The following SAFB variants were observed in gnomAD, a reference collection of about 807,000 sequenced individuals.
SAFB encodes the protein scaffold attachment factor B.
Under a neutral mutation model 101.6 loss-of-function variants are expected in SAFB, and 15 were observed. That is an observed-to-expected ratio of 0.15 (90% CI 0.10 to 0.23). The LOEUF is 0.23. Ranked by LOEUF, SAFB falls within the 10% of genes least tolerant of loss-of-function variation. The pLI is 1.00. For synonymous variants in SAFB, 449 were observed against 407.5 expected (o/e 1.10, Z -1.23); for missense variants, 930 against 1,104.1 (o/e 0.84, Z 2.23).
In SAFB at chr19:5,667,487, G is replaced by A. The variant is rs1471955861; in HGVS notation, c.2557+37G>A. 5 of 1,396,200 alleles carry A rather than the reference G, an allele frequency of 3.6e-6. No homozygotes were observed. Among genetic ancestry groups the A allele is most frequent in the Non-Finnish European group, 3.9e-6 (4 of 1,028,996 alleles). 86.5% of individuals were successfully genotyped at this position (1,396,200 alleles called of 1,614,324 possible). ...CTCTGGGCTGGGACCAGGATGTGCT[G>A]GGGAGTGATGGAAAGATGGAGGCCG... On this transcript the variant is annotated intron_variant, in intron 19 of 20. Transcript: ENST00000588852. This position sits in a 1 kb window ranked among gnomAD's most constrained non-coding sequence, Gnocchi z 4.0.
intron 2 of SAFB, among the ~76,000 whole-genome samples, chr19:5,640,408 C>T (rs1435382054): frequency 1.5e-5 from 2 of 136,672 alleles, no homozygotes; most frequent in African/African-American, 5.7e-5. Context: ...GCTCTGTTGC[C>T]AGACTGGAGT....
rs1488172861 is a variant in SAFB, at chr19:5,645,866, G to GT, written c.609+475dup. ...GGGGTTCTGGTCTTGTCTTTGGGAA[G>GT]TTTTTTTTGTTTTGTTTTGTTTTGT... On this transcript the variant is annotated intron_variant, in intron 5 of 20. Coordinates refer to ENST00000588852, the MANE Select transcript of SAFB (RefSeq NM_001201338.2). Among the ~76,000 whole-genome samples, 51 of 151,868 alleles carry GT rather than the reference G, an allele frequency of 3.4e-4. 1 individual carries two copies. The highest frequency in any genetic ancestry group is 1.1e-3 in the African/African-American group (44 of 41,480).
chr19:5,655,524 T>C (rs1389651030), intron 13 of SAFB, among the ~76,000 whole-genome samples: 1 of 150,548 alleles, frequency 6.6e-6, no homozygotes, highest in Non-Finnish European at 1.5e-5. Flanking sequence ...CGAGCCACCC[T>C]TACTGGTTAA....
intron 4 of SAFB, among the ~76,000 whole-genome samples, chr19:5,643,261 C>A (rs919358619): frequency 1.3e-5 from 2 of 151,722 alleles, no homozygotes; most frequent in Admixed American, 6.6e-5. Flanking sequence ...TCGTGGGGGG[C>A]CCTGTTCTTG....
intron 2 of SAFB, among the ~76,000 whole-genome samples, chr19:5,629,483 AAAAC>A (rs1018262699): frequency 1.4e-4 from 21 of 152,304 alleles, no homozygotes; most frequent in African/African-American, 5.1e-4. Context: ...TTTCATTAAA[AAAAC>A]CCGTGATCTT....
chr19:5,640,158 C>G (rs954428895), intron 2 of SAFB, among the ~76,000 whole-genome samples: 2 of 151,946 alleles, frequency 1.3e-5, no homozygotes, highest in Non-Finnish European at 2.9e-5. Flanking sequence ...TGGCTGGAGC[C>G]GAAGTTTTTA....
chr19:5,661,668 C>T lies in SAFB; in HGVS notation c.2013C>T (p.Arg671=), dbSNP rs2054207284. Reference sequence around the variant, plus strand: ...GCATGGAGCGGGAACGGCTGGAGCGCGAACGCATGCACGTGGAGCACGAGC... The same window carrying T: ...GCATGGAGCGGGAACGGCTGGAGCGTGAACGCATGCACGTGGAGCACGAGC... ...RERMERERLE[R]ERMHVEHERR... Residue 671 remains arginine, a synonymous_variant, in exon 15 of 21, where the codon CGC becomes CGT. Coordinates refer to ENST00000588852, the MANE Select transcript of SAFB (RefSeq NM_001201338.2). 4 of 1,611,070 alleles carry T rather than the reference C, an allele frequency of 2.5e-6. No individual in the cohort carries two copies. Among genetic ancestry groups the T allele is most frequent in the Middle Eastern group, 1.6e-4 (1 of 6,068 alleles).
intron 4 of SAFB, among the ~76,000 whole-genome samples, chr19:5,642,752 C>G (rs1304036479): frequency 6.8e-6 from 1 of 148,138 alleles, no homozygotes; most frequent in Non-Finnish European, 1.5e-5. Flanking sequence ...AACCTCTGCC[C>G]CCTGGGTTCA....
At chr19:5,652,985 T>G (rs1472138939) in intron 9 of SAFB, 130 bp from the exon 10 acceptor site, 1 of 846,464 alleles carries the variant, frequency 1.2e-6, no homozygotes, top group Non-Finnish European at 1.8e-6. Context: ...GAAGCATTAG[T>G]AGCATTGTCC....
chr19:5,656,322 A>T (rs1415823205), intron 13 of SAFB, among the ~76,000 whole-genome samples: 1 of 152,014 alleles, frequency 6.6e-6, no homozygotes, highest in Non-Finnish European at 1.5e-5. Flanking sequence ...CCCAGGCTGG[A>T]ATACAGTGGC....
chr19:5,646,747 A>T (rs944323710), intron 5 of SAFB, among the ~76,000 whole-genome samples: 1 of 152,202 alleles, frequency 6.6e-6, no homozygotes, highest in Admixed American at 6.5e-5. Context: ...TATTGGGTAT[A>T]TGTGAATCCC....
intron 14 of SAFB, among the ~76,000 whole-genome samples, chr19:5,658,252 C>A (rs1335089880): frequency 1.3e-5 from 2 of 152,138 alleles, no homozygotes; most frequent in Non-Finnish European, 2.9e-5. Context: ...CCTGCCTCGG[C>A]CTCCCAAAGT....
intron 5 of SAFB, 106 bp from the exon 6 acceptor site, chr19:5,647,910 C>T (rs2053858729): frequency 5.7e-6 from 6 of 1,054,576 alleles, no homozygotes; most frequent in Non-Finnish European, 8.8e-6. Context: ...GTGAGTTTCC[C>T]TCCCTGGATT....
intron 1 of SAFB, among the ~76,000 whole-genome samples, chr19:5,626,081 C>A (rs1043151231): frequency 6.6e-6 from 1 of 152,122 alleles, no homozygotes; most frequent in Admixed American, 6.5e-5. Context: ...TTGAGTGCTT[C>A]CTTTTCATGG....
At chr19:5,646,708 G>C (rs2053834909) in intron 5 of SAFB, among the ~76,000 whole-genome samples, 1 of 152,212 alleles carries the variant, frequency 6.6e-6, no homozygotes. Context: ...GCAGTTCCCA[G>C]GGGAAGTTAT....
chr19:5,655,361 G>C (rs998266888), intron 13 of SAFB, among the ~76,000 whole-genome samples: 1 of 151,720 alleles, frequency 6.6e-6, no homozygotes, highest in East Asian at 1.9e-4. Context: ...AAAAGGCTGA[G>C]GTGGGAGAAT....
Position 5,648,047 on chromosome 19 carries a change from C to T in SAFB, c.637+4C>T. 1 of 1,609,962 alleles carries T rather than the reference C, an allele frequency of 6.2e-7. No individual in the cohort carries two copies. Among genetic ancestry groups the T allele is most frequent in the Non-Finnish European group, 8.5e-7 (1 of 1,178,262 alleles). ...GAAGAGCCATCCCTGGAGCCAGGTACTGTTAAATGAAAAACTTACCAGCGG... is the reference window on the plus strand; with the variant it reads ...GAAGAGCCATCCCTGGAGCCAGGTATTGTTAAATGAAAAACTTACCAGCGG... On this transcript the variant is annotated splice_donor_region_variant and intron_variant, in intron 6 of 20. Coordinates refer to ENST00000588852, the MANE Select transcript of SAFB (RefSeq NM_001201338.2).
intron 14 of SAFB, 156 bp from the exon 15 acceptor site, chr19:5,661,362 C>T (rs557979309): frequency 2.2e-6 from 3 of 1,360,688 alleles, no homozygotes; most frequent in East Asian, 2.5e-5. Context: ...CCTGTGGGCC[C>T]GAGAAGCCTT....
chr19:5,655,446 T>C (rs1359505673), intron 13 of SAFB, among the ~76,000 whole-genome samples: 1 of 126,404 alleles, frequency 7.9e-6, no homozygotes, highest in East Asian at 2.2e-4. Context: ...GGAGAGAGAG[T>C]GAGACCCCAT....
Sources: allele counts gnomAD v4.1 joint callset (sites outside exome capture counted in the v4.1 genomes callset), GRCh38; gene constraint gnomAD v4.1.1; non-coding constraint Gnocchi (gnomAD v3.1); transcripts MANE v1.5; gene names NCBI Gene and HGNC (gene_info 2026-07-23, HGNC 2026-07-21).